MS4A18: variants seen among roughly 807,000 people sequenced by gnomAD.
MS4A18 encodes membrane-spanning 4-domains subfamily A member 18.
In MS4A18, 27 loss-of-function variants were observed where a neutral mutation model predicts 13.1. The ratio of observed to expected loss-of-function variants is 2.06; its 90% CI spans 1.52 to 2.84. The LOEUF (loss-of-function observed/expected upper bound fraction) is 2.84. Among genes scored for constraint, MS4A18 ranks in the 30% most tolerant of loss-of-function variants. The pLI is 0.00. For synonymous variants in MS4A18, 126 were observed against 76.5 expected, an observed-to-expected ratio of 1.65 and a Z score of -3.38; for missense variants, 307 against 196.4, an observed-to-expected ratio of 1.56 and a Z score of -3.37.
chr11:60,727,110 C>T (rs563845019), upstream of MS4A18, among the ~76,000 whole-genome samples: 165 of 152,262 alleles, frequency 1.1e-3, no homozygotes, highest in African/African-American at 3.6e-3. Flanking sequence ...TTTATGGCTG[C>T]ATAGTATTCC....
intron 5 of MS4A18, 89 bp downstream of exon 6, chr11:60,741,232 T>G: frequency 1.4e-6 from 1 of 698,576 alleles, no homozygotes; most frequent in East Asian, 2.7e-5. Context: ...TCTGGAGAAA[T>G]GAGGCCTGAG....
Position 60,733,706 on chromosome 11 carries a change from T to A in MS4A18, c.591+59T>A, listed in dbSNP as rs1853292203. 11 of 702,564 alleles carry A rather than the reference T, an allele frequency of 1.6e-5. No individual in the cohort carries two copies. In the Admixed American group the frequency reaches 2.0e-4, roughly 13 times the overall value. The allele number at this position is 702,564 out of a possible 1,614,324, so 43.5% of individuals were successfully genotyped here. ...TCACCAGACTGGGACAAGAAGGAAG[T>A]GGAGGAAGAAGGAGCATGGAATCCC... On this transcript the variant is annotated intron_variant, in intron 2 of 5. Transcript: ENST00000529108.
At chr11:60,742,702 T>C (rs894832481) in intron 5 of MS4A18, among the ~76,000 whole-genome samples, 2 of 152,236 alleles carry the variant, frequency 1.3e-5, no homozygotes, top group African/African-American at 4.8e-5. Context: ...TTGAGGACCT[T>C]GGAAATTAGA....
At chr11:60,739,108 A>G in intron 4 of MS4A18, 111 bp downstream of exon 5, 1 of 648,658 alleles carries the variant, frequency 1.5e-6, no homozygotes, top group South Asian at 1.8e-5. Flanking sequence ...TAGTATGACA[A>G]CCACTACATC....
At chr11:60,727,286 G>A (rs1000414204), upstream of MS4A18, among the ~76,000 whole-genome samples, 17 of 152,118 alleles carry the variant, frequency 1.1e-4, no homozygotes, top group African/African-American at 4.1e-4. Context: ...TATGCTGGCA[G>A]TTTTCTCAAT....
upstream of MS4A18, among the ~76,000 whole-genome samples, chr11:60,726,842 G>A (rs901917131): frequency 6.6e-6 from 1 of 151,442 alleles, no homozygotes; most frequent in African/African-American, 2.4e-5. Context: ...CATGTGCTAT[G>A]GTGGTTTGCT....
downstream of MS4A18, chr11:60,744,257 G>C (rs1853454584): frequency 4.8e-6 from 2 of 420,564 alleles, no homozygotes; most frequent in African/African-American, 2.0e-5. Context: ...GGTGCATTTT[G>C]GTTCCGTGGT....
At chr11:60,737,741 C>T (rs1047176695) in intron 3 of MS4A18, among the ~76,000 whole-genome samples, 19 of 152,208 alleles carry the variant, frequency 1.2e-4, no homozygotes, top group African/African-American at 4.6e-4. Flanking sequence ...CTTCCCCTCT[C>T]CACTTTCTCT....
exon 6 of MS4A18, chr11:60,743,873 G>C (rs1280331144): frequency 1.4e-6 from 1 of 702,772 alleles, no homozygotes. Context: ...GCTAACATTG[G>C]CCCTGTCAAT....
exon 6 of MS4A18, chr11:60,744,170 G>C (rs1364672235): frequency 8.7e-6 from 5 of 576,654 alleles, no homozygotes; most frequent in Non-Finnish European, 1.5e-5. Context: ...ATTTTTGTTT[G>C]TTATTGATGT....
At chr11:60,729,409 G>A in exon 1 of MS4A18, 1 of 702,764 alleles carries the variant, frequency 1.4e-6, no homozygotes, top group South Asian at 1.5e-5. Flanking sequence ...TGTGGCCTCT[G>A]GAAATCATCT....
chr11:60,739,823 G>A (rs1203121188), intron 4 of MS4A18, among the ~76,000 whole-genome samples: 1 of 152,230 alleles, frequency 6.6e-6, no homozygotes, highest in South Asian at 2.1e-4. Context: ...CAGTACTTGA[G>A]GAGGCCTGAA....
chr11:60,741,627 C>T (rs1485923391), intron 5 of MS4A18, among the ~76,000 whole-genome samples: 1 of 152,154 alleles, frequency 6.6e-6, no homozygotes, highest in Non-Finnish European at 1.5e-5. Flanking sequence ...CCAGATTCTA[C>T]GAGTGGAGCA....
At chr11:60,733,693 G>A (rs1413414543) in intron 2 of MS4A18, 46 bp downstream of exon 3, 7 of 702,996 alleles carry the variant, frequency 1.0e-5, no homozygotes, top group Admixed American at 2.0e-5. Context: ...ACCAGACTGG[G>A]ACAAGAAGGA....
intron 5 of MS4A18, among the ~76,000 whole-genome samples, chr11:60,742,600 C>G (rs73492985): frequency 0.13 from 20,440 of 152,130 alleles, 1,472 homozygotes; most frequent in East Asian, 0.25. Context: ...ACTGATTAAG[C>G]CTTTCAAAGG....
intron 4 of MS4A18, 44 bp downstream of exon 5, chr11:60,739,041 G>A (rs1178319287): frequency 8.6e-6 from 6 of 699,098 alleles, no homozygotes; most frequent in Admixed American, 6.1e-5. Context: ...AAAGGACCAG[G>A]AGGGCTTCTG....
chr11:60,743,862 T>TTG lies in MS4A18; in HGVS notation c.1071_1072insTG (p.Ala358TrpfsTer9). 1.4e-6 allele frequency: 1 copy of TTG among 702,966 alleles called. No individual in the cohort carries two copies. The highest frequency in any genetic ancestry group is 1.5e-5 in the South Asian group (1 of 67,436). The allele number at this position is 702,966 out of a possible 1,614,324, so 43.5% of individuals were successfully genotyped here. Reference sequence around the variant, plus strand: ...TCAATGTTACCACTGGTCCTGTCAATGCTAACATTGGCCCTGTCAATGTGA... The same window carrying TTG: ...TCAATGTTACCACTGGTCCTGTCAATTGGCTAACATTGGCCCTGTCAATGTGA... On this transcript the variant is annotated frameshift_variant, in exon 6 of 6. Coordinates refer to ENST00000529108, the Ensembl canonical transcript of MS4A18. LOFTEE classifies it low-confidence loss of function (END_TRUNC).
chr11:60,725,475 GAA>G (rs1853141199), upstream of MS4A18, among the ~76,000 whole-genome samples: 1 of 152,082 alleles, frequency 6.6e-6, no homozygotes, highest in East Asian at 1.9e-4. Context: ...ATTACAGGCA[GAA>G]CCATTCTCTT....
exon 5 of MS4A18, chr11:60,741,093 T>C (rs1462603297): frequency 1.4e-6 from 1 of 702,940 alleles, no homozygotes; most frequent in African/African-American, 1.7e-5. Context: ...CATCCTCACT[T>C]GTGTGGTCTC....
Sources: gnomAD v4.1 joint callset for allele counts (sites outside exome capture counted in the v4.1 genomes callset) on GRCh38, gnomAD v4.1.1 for gene constraint, MANE v1.5 for transcripts, NCBI Gene and HGNC (gene_info 2026-07-23, HGNC 2026-07-21) for gene names.